HEATR5A: variants seen among roughly 807,000 people sequenced by gnomAD.
HEATR5A encodes the protein HEAT repeat containing 5A, also known as HEAT repeat-containing protein 5A.
HEATR5A carries 178 observed loss-of-function variants against 218.8 expected under a neutral mutation model. The ratio of observed to expected loss-of-function variants is 0.81; its 90% CI spans 0.72 to 0.92. The LOEUF (loss-of-function observed/expected upper bound fraction) is 0.92. HEATR5A is among the 40% of genes least tolerant of loss of function. The pLI is 0.00. For synonymous variants in HEATR5A, 864 were observed against 871.6 expected (o/e 0.99, Z 0.15); for missense variants, 2,420 against 2,418.9 (o/e 1.00, Z -0.01).
intron 25 of HEATR5A, among the ~76,000 whole-genome samples, chr14:31,318,518 G>A (rs951055254): frequency 6.6e-6 from 1 of 151,840 alleles, no homozygotes; most frequent in African/African-American, 2.4e-5. Context: ...ACGGAGTCTC[G>A]CCCTGTCGCC....
chr14:31,397,541 C>G (rs2030702487), intron 4 of HEATR5A, among the ~76,000 whole-genome samples: 1 of 151,926 alleles, frequency 6.6e-6, no homozygotes, highest in South Asian at 2.1e-4. Flanking sequence ...CGCCTGTAAT[C>G]CCAGCTACTT....
Position 31,292,244 on chromosome 14 carries a change from G to T in HEATR5A, c.*1061C>A, listed in dbSNP as rs1360198331. 2 of 152,078 alleles carry T rather than the reference G, an allele frequency of 1.3e-5. No individual in the cohort carries two copies. Among genetic ancestry groups the T allele is most frequent in the Non-Finnish European group, 2.9e-5 (2 of 68,014 alleles). 9.4% of individuals were successfully genotyped at this position (152,078 alleles called of 1,614,324 possible). A position where few individuals can be genotyped will look rare whatever the true frequency, so the allele number is the denominator to read the frequency against. ...TAAATACAATGTAGATATGAACCTA[G>T]GTTAAAACTCATTGATACAAATGTT... On this transcript the variant is annotated 3_prime_UTR_variant, in exon 36 of 36. Coordinates refer to ENST00000543095, the MANE Select transcript of HEATR5A (RefSeq NM_015473.4).
chr14:31,403,614 T>C (rs949899202), intron 1 of HEATR5A, among the ~76,000 whole-genome samples: 1 of 152,222 alleles, frequency 6.6e-6, no homozygotes, highest in Non-Finnish European at 1.5e-5. Context: ...AGTCCAGTCT[T>C]AACTAGGCTT....
chr14:31,345,203 G>T lies in HEATR5A; in HGVS notation c.2942C>A (p.Thr981Asn). ...GPLYYVHVEP[T>N]LSLIIMLLLN... ...CAACAACATTATAATAAGAGAAAGG[G>T]TAGGTTCCACATGCACATAATAGAG... The change falls in exon 20 of 36, where the codon ACC becomes AAC. Residue 981 changes from threonine (T) to asparagine (N), a missense_variant. Thr to Asn is a moderately conservative substitution (Grantham distance 65, BLOSUM62 0). Coordinates refer to ENST00000543095, the MANE Select transcript of HEATR5A (RefSeq NM_015473.4). 1 of 1,613,522 alleles carries T rather than the reference G, an allele frequency of 6.2e-7. No individual in the cohort carries two copies. Among genetic ancestry groups the T allele is most frequent in the Non-Finnish European group, 8.5e-7 (1 of 1,179,490 alleles).
At chr14:31,387,660 C>T (rs796899299) in intron 7 of HEATR5A, among the ~76,000 whole-genome samples, 5 of 151,718 alleles carry the variant, frequency 3.3e-5, no homozygotes, top group East Asian at 1.9e-4. Context: ...CCTGGGTTCA[C>T]GCCATTCTCC....
intron 18 of HEATR5A, among the ~76,000 whole-genome samples, chr14:31,348,574 C>T (rs183343694): frequency 2.4e-4 from 37 of 152,192 alleles, no homozygotes; most frequent in Non-Finnish European, 4.7e-4. Flanking sequence ...CAGAGCAAGA[C>T]GTTGTATCGA....
intron 22 of HEATR5A, among the ~76,000 whole-genome samples, chr14:31,335,042 G>T (rs1468270346): frequency 6.6e-6 from 1 of 151,762 alleles, no homozygotes; most frequent in African/African-American, 2.4e-5. Context: ...TCAACACTGA[G>T]GCAAGACCCT....
At chr14:31,415,914 T>C (rs571321252) in intron 1 of HEATR5A, among the ~76,000 whole-genome samples, 8 of 152,094 alleles carry the variant, frequency 5.3e-5, no homozygotes, top group Non-Finnish European at 1.0e-4. Context: ...AAAACAACAA[T>C]TTAGTAAAAT....
chr14:31,339,119 A>C (rs530260767), intron 21 of HEATR5A, among the ~76,000 whole-genome samples: 1 of 147,138 alleles, frequency 6.8e-6, no homozygotes. Context: ...GTGTCTCAGG[A>C]AAAAAAAACA....
chr14:31,306,668 T>G lies in HEATR5A; in HGVS notation c.4966+64A>C, dbSNP rs1292833443. On this transcript the variant is annotated intron_variant, in intron 31 of 35. Transcript: ENST00000543095. ...GATTATCAAAACTATATAGATACAT[T>G]AAATAATACTTTACAAAAGAATGAT... 23 of 1,448,396 alleles carry G rather than the reference T, an allele frequency of 1.6e-5. No individual in the cohort carries two copies. In the East Asian group the frequency reaches 5.5e-4, roughly 34 times the overall value. 89.7% of individuals were successfully genotyped at this position (1,448,396 alleles called of 1,614,324 possible).
chr14:31,374,639 T>C (rs530802956), intron 12 of HEATR5A, among the ~76,000 whole-genome samples, 177 bp downstream of exon 12: 81 of 152,268 alleles, frequency 5.3e-4, no homozygotes, highest in African/African-American at 1.9e-3. Flanking sequence ...TATTATAACA[T>C]ACACCAGTTA....
intron 13 of HEATR5A, 109 bp downstream of exon 13, chr14:31,371,701 C>G: frequency 2.2e-6 from 1 of 455,268 alleles, no homozygotes; most frequent in South Asian, 6.1e-5. Flanking sequence ...AACTGATTGC[C>G]TTCCTCCATA....
At chr14:31,367,942 T>C (rs1473669394) in intron 13 of HEATR5A, among the ~76,000 whole-genome samples, 1 of 152,132 alleles carries the variant, frequency 6.6e-6, no homozygotes, top group African/African-American at 2.4e-5. Context: ...AGTATGGATT[T>C]TTTTAGTAAC....
At chr14:31,317,989 T>C (rs925971828) in intron 26 of HEATR5A, among the ~76,000 whole-genome samples, 1 of 152,108 alleles carries the variant, frequency 6.6e-6, no homozygotes, top group Non-Finnish European at 1.5e-5. Flanking sequence ...ACTATTCTAA[T>C]AGCAAAAGAA....
Position 31,416,312 on chromosome 14 carries a change from G to T in HEATR5A, c.-75+4160C>A, listed in dbSNP as rs142963671. ...TTTTTTTGTATTTTTAGTAGAGACGGGGTTTCACCCTGTTGGCCAGGCTGA... is the reference window on the plus strand; with the variant it reads ...TTTTTTTGTATTTTTAGTAGAGACGTGGTTTCACCCTGTTGGCCAGGCTGA... On this transcript the variant is annotated intron_variant, in intron 1 of 35. Transcript: ENST00000543095. Among the ~76,000 whole-genome samples the T allele has an allele frequency of 8.9e-3, 1,347 of 152,102 alleles. 14 individuals are homozygous for T. The highest frequency in any genetic ancestry group is 0.031 in the African/African-American group (1,274 of 41,514).
At chr14:31,418,902 G>C (rs1230055539) in intron 1 of HEATR5A, among the ~76,000 whole-genome samples, 1 of 152,052 alleles carries the variant, frequency 6.6e-6, no homozygotes, top group East Asian at 1.9e-4. Flanking sequence ...AAGAAGAAAG[G>C]TAAGTGTATT....
chr14:31,341,134 A>G (rs1048451828), intron 21 of HEATR5A, among the ~76,000 whole-genome samples: 7 of 152,158 alleles, frequency 4.6e-5, no homozygotes, highest in Non-Finnish European at 1.0e-4. Context: ...AATACACTAT[A>G]GTGATAATTT....
chr14:31,338,863 C>A (rs921401248), intron 21 of HEATR5A, among the ~76,000 whole-genome samples: 2 of 151,892 alleles, frequency 1.3e-5, no homozygotes, highest in Non-Finnish European at 2.9e-5. Context: ...ACGTCTGTAA[C>A]GCTAGCACTT....
At chr14:31,311,527 T>A (rs139059820) in intron 28 of HEATR5A, among the ~76,000 whole-genome samples, 148 of 152,136 alleles carry the variant, frequency 9.7e-4, no homozygotes, top group Non-Finnish European at 1.7e-3. Flanking sequence ...TCTTCCCACA[T>A]CAGCCTTCTG....
Sources: gnomAD v4.1 joint callset for allele counts (sites outside exome capture counted in the v4.1 genomes callset) on GRCh38, gnomAD v4.1.1 for gene constraint, MANE v1.5 for transcripts, NCBI Gene and HGNC (gene_info 2026-07-23, HGNC 2026-07-21) for gene names.